Variants in KCND3 observed in about 807,000 individuals in gnomAD.
The protein encoded by KCND3 is A-type voltage-gated potassium channel KCND3.
Under a neutral mutation model 51.1 loss-of-function variants are expected in KCND3, and 9 were observed. The ratio of observed to expected loss-of-function variants is 0.18; its 90% CI spans 0.11 to 0.31. The LOEUF is 0.31. Among genes scored for constraint, KCND3 ranks in the 10% least tolerant of loss-of-function variants. KCND3 has a pLI of 1.00. For synonymous variants in KCND3, 349 were observed against 368.0 expected (o/e 0.95, Z 0.59); for missense variants, 526 against 903.8 (o/e 0.58, Z 5.36).
chr1:111,851,256 C>T (rs975491970), intron 2 of KCND3, among the ~76,000 whole-genome samples: 4 of 152,098 alleles, frequency 2.6e-5, no homozygotes, highest in Non-Finnish European at 1.5e-5. Context: ...TTTGTTTGTC[C>T]GTCTTTCCTC....
chr1:111,921,908 A>G (rs1240467002), intron 2 of KCND3, among the ~76,000 whole-genome samples: 1 of 152,172 alleles, frequency 6.6e-6, no homozygotes. Context: ...TCCTGGGGAG[A>G]TAATGTGGAT....
At chr1:111,941,734 A>G (rs1256915950) in intron 2 of KCND3, among the ~76,000 whole-genome samples, 2 of 152,218 alleles carry the variant, frequency 1.3e-5, no homozygotes, top group East Asian at 3.9e-4. Context: ...GGGAACCTCT[A>G]GGCATACTGT....
chr1:111,976,937 G>A (rs960281576), intron 2 of KCND3, among the ~76,000 whole-genome samples: 8 of 152,240 alleles, frequency 5.3e-5, no homozygotes, highest in African/African-American at 1.9e-4. Context: ...CTCAATAAGT[G>A]TTGAACGAAT....
intron 2 of KCND3, among the ~76,000 whole-genome samples, chr1:111,880,492 T>C (rs778423819): frequency 4.6e-5 from 7 of 152,138 alleles, no homozygotes; most frequent in Non-Finnish European, 7.3e-5. Flanking sequence ...CTCAGGTGGA[T>C]GGAAGGTGCC....
chr1:111,809,987 A>G (rs941220602), intron 2 of KCND3, among the ~76,000 whole-genome samples: 4 of 152,230 alleles, frequency 2.6e-5, no homozygotes, highest in African/African-American at 9.6e-5. Context: ...AGGCAGCACC[A>G]GAAATTTCAA....
chr1:111,865,516 G>A (rs540690189), intron 2 of KCND3, among the ~76,000 whole-genome samples: 2 of 152,280 alleles, frequency 1.3e-5, no homozygotes, highest in South Asian at 2.1e-4. Flanking sequence ...GTGCTAACAG[G>A]GGTCAGGGTC....
chr1:111,778,134 G>A (rs1349527821), intron 6 of KCND3, among the ~76,000 whole-genome samples: 1 of 152,210 alleles, frequency 6.6e-6, no homozygotes, highest in Non-Finnish European at 1.5e-5. Flanking sequence ...ACGGAGCTGG[G>A]ATGTGGCACA....
At chr1:111,904,177 G>A (rs545487048) in intron 2 of KCND3, among the ~76,000 whole-genome samples, 2 of 149,500 alleles carry the variant, frequency 1.3e-5, no homozygotes, top group South Asian at 2.1e-4. Context: ...GTGGAGTCCC[G>A]CCAAAGGGAC....
chr1:111,900,659 A>C (rs818109), intron 2 of KCND3, among the ~76,000 whole-genome samples: 21,705 of 152,134 alleles, frequency 0.14, 1,663 homozygotes, highest in African/African-American at 0.18. Context: ...ATGCTAAAAA[A>C]AAAAAATACT....
intron 2 of KCND3, among the ~76,000 whole-genome samples, chr1:111,805,598 C>T (rs1665528456): frequency 6.6e-6 from 1 of 152,228 alleles, no homozygotes; most frequent in East Asian, 1.9e-4. Flanking sequence ...TGTAAGTCAA[C>T]CTCTTTTAAA....
chr1:111,801,351 C>G lies in KCND3; in HGVS notation c.1107-14245G>C, dbSNP rs543387665. On this transcript the variant is annotated intron_variant, in intron 2 of 7. Coordinates refer to ENST00000302127, the MANE Select transcript of KCND3 (RefSeq NM_001378969.1). ...AATAGCACAGCTAGAGGTGGTGAAG[C>G]GTCAAAGTGGAAGTCCACAGAGGTG... Among the ~76,000 whole-genome samples the G allele has an allele frequency of 2.6e-5, 4 of 152,304 alleles. No individual in the cohort carries two copies. In the South Asian group the frequency reaches 8.3e-4, roughly 32 times the overall value.
chr1:111,888,267 G>A (rs1272163680), intron 2 of KCND3, among the ~76,000 whole-genome samples: 2 of 152,256 alleles, frequency 1.3e-5, no homozygotes, highest in Admixed American at 6.5e-5. Context: ...AATTACAAGA[G>A]AGGGAGAGAA....
intron 2 of KCND3, among the ~76,000 whole-genome samples, chr1:111,788,479 A>C (rs1171998523): frequency 6.6e-6 from 1 of 152,224 alleles, no homozygotes; most frequent in African/African-American, 2.4e-5. Flanking sequence ...GACATGGCAG[A>C]GGTAGACAGG....
intron 3 of KCND3, among the ~76,000 whole-genome samples, chr1:111,781,139 T>C (rs1055081427): frequency 6.6e-6 from 1 of 152,206 alleles, no homozygotes; most frequent in African/African-American, 2.4e-5. Flanking sequence ...TATCTCTAAC[T>C]AAATTGCAAA....
intron 2 of KCND3, among the ~76,000 whole-genome samples, chr1:111,823,788 C>T (rs139168219): frequency 4.7e-4 from 72 of 152,212 alleles, no homozygotes; most frequent in African/African-American, 1.7e-3. Context: ...GCAGCCCAGG[C>T]AGAACTGAGG....
chr1:111,959,737 A>C (rs1204246666), intron 2 of KCND3, among the ~76,000 whole-genome samples: 1 of 152,126 alleles, frequency 6.6e-6, no homozygotes, highest in Non-Finnish European at 1.5e-5. Flanking sequence ...ACATGGTAGA[A>C]CTCTAGTAGT....
At chr1:111,910,830 A>G (rs1407144754) in intron 2 of KCND3, 2 of 152,254 alleles carry the variant, frequency 1.3e-5, no homozygotes, top group Non-Finnish European at 2.9e-5. Flanking sequence ...AGCCAGACCT[A>G]TATGATACAT....
At chr1:111,814,463 T>C (rs905834714) in intron 2 of KCND3, among the ~76,000 whole-genome samples, 1 of 152,188 alleles carries the variant, frequency 6.6e-6, no homozygotes, top group African/African-American at 2.4e-5. Flanking sequence ...AAGACCTGGG[T>C]GTATCCTGAG....
intron 2 of KCND3, among the ~76,000 whole-genome samples, chr1:111,830,443 T>C (rs1402667603): frequency 1.3e-5 from 2 of 152,290 alleles, no homozygotes; most frequent in East Asian, 3.9e-4. Context: ...CTTAAGCCAG[T>C]GGTTTTTCCC....
Sources: allele counts gnomAD v4.1 joint callset (sites outside exome capture counted in the v4.1 genomes callset), GRCh38; gene constraint gnomAD v4.1.1; transcripts MANE v1.5; gene names NCBI Gene and HGNC (gene_info 2026-07-23, HGNC 2026-07-21).